Variants in BNC2 observed in about 807,000 individuals in gnomAD.
The protein encoded by BNC2 is zinc finger protein basonuclin-2.
BNC2 carries 20 observed loss-of-function variants against 76.3 expected under a neutral mutation model. The observed-to-expected ratio is 0.26, with a 90% CI of 0.18 to 0.38. BNC2 has a LOEUF of 0.38. Ranked by LOEUF, BNC2 falls within the 10% of genes least tolerant of loss-of-function variation. The probability of loss-of-function intolerance (pLI) is 1.00; values close to 1 mark genes in which losing one functional copy is unlikely to be tolerated. For synonymous variants in BNC2, 582 were observed against 514.8 expected, an observed-to-expected ratio of 1.13 and a Z score of -1.77; for missense variants, 1,382 against 1,399.8, an observed-to-expected ratio of 0.99 and a Z score of 0.20.
chr9:16,437,278 G>A lies in BNC2; in HGVS notation c.916C>T (p.Pro306Ser), dbSNP rs114964332. The change falls in exon 6 of 7, where the codon CCT becomes TCT. Residue 306 changes from proline to serine, a missense_variant. By Grantham distance (74) the Pro-to-Ser change is moderately conservative (BLOSUM62 -1). Transcript: ENST00000380672. The part of the protein sequence containing the change: ...SLLAHLENSN[P>S]SSIHHFENIP... Reference sequence around the variant, plus strand: ...TTTTCGAAGTGATGAATGCTGGAAGGATTGCTGTTCTCTAAGTGAGCAAGG... The same window carrying A: ...TTTTCGAAGTGATGAATGCTGGAAGAATTGCTGTTCTCTAAGTGAGCAAGG... 45 of 1,614,032 alleles carry A rather than the reference G, an allele frequency of 2.8e-5. No individual in the cohort carries two copies. The highest frequency in any genetic ancestry group is 3.7e-5 in the Non-Finnish European group (44 of 1,180,028).
intron 1 of BNC2, among the ~76,000 whole-genome samples, chr9:16,763,939 G>A (rs964564941): frequency 3.3e-5 from 5 of 152,056 alleles, no homozygotes; most frequent in South Asian, 2.1e-4. Context: ...ACTCCCTACC[G>A]GAAGACTATA....
chr9:16,602,870 C>G (rs992409599), intron 3 of BNC2, among the ~76,000 whole-genome samples: 2 of 152,254 alleles, frequency 1.3e-5, no homozygotes, highest in South Asian at 2.1e-4. Flanking sequence ...TGCTGCCAAA[C>G]CCTCATTTCA....
rs534880677 is a variant in BNC2 at position 16,414,233 on chromosome 9, G to C, written c.*4756C>G. The C allele has an allele frequency of 6.6e-6, 1 of 152,174 alleles. No individual in the cohort carries two copies. Among genetic ancestry groups the C allele is most frequent in the African/African-American group, 2.4e-5 (1 of 41,438 alleles). The allele number at this position is 152,174 out of a possible 1,614,324, so 9.4% of individuals were successfully genotyped here. On this transcript the variant is annotated 3_prime_UTR_variant, in exon 7 of 7. Coordinates refer to ENST00000380672, the MANE Select transcript of BNC2 (RefSeq NM_017637.6). ...ATCAATACGCTCTCACCCACTGCGA[G>C]GCAGAGCTATGCCAGTCTTTTCTCT... is the stretch of plus-strand genomic sequence containing the variant.
chr9:16,436,221 T>A lies in BNC2; in HGVS notation c.1973A>T (p.Asp658Val), dbSNP rs774745887. 6.2e-7 allele frequency: 1 copy of A among 1,614,140 alleles called. No homozygotes were observed. The highest frequency in any genetic ancestry group is 2.2e-5 in the East Asian group (1 of 44,870). The stretch of plus-strand genomic sequence containing the variant: ...CACAGCTCCACCATCATTGGGGTCA[T>A]CATCTTCATCATCAAACTCATCGGC... ...DTADEFDDEDDDPNDGGAVVN... is the reference protein window; with the variant it reads ...DTADEFDDEDVDPNDGGAVVN... Residue 658 changes from aspartate (D) to valine (V), a missense_variant, in exon 6 of 7, where the codon GAT becomes GTT. Transcript: ENST00000380672.
chr9:16,847,860 T>C (rs906036293), intron 1 of BNC2, among the ~76,000 whole-genome samples: 2 of 152,304 alleles, frequency 1.3e-5, no homozygotes, highest in East Asian at 1.9e-4. Context: ...AAATAAAGTA[T>C]GATTAAGCTC....
rs201643868 is a variant in BNC2, at chr9:16,552,634, G to T, written c.565C>A (p.Leu189Met). Residue 189 changes from leucine to methionine, a missense_variant, in exon 5 of 7, where the codon CTG becomes ATG. Leu to Met is a conservative substitution (Grantham distance 15). Coordinates refer to ENST00000380672, the MANE Select transcript of BNC2 (RefSeq NM_017637.6). ...AGGACGCTGAAGAGACGGTCCAGCA[G>T]GATCTTTAGCCGCACAGGCACTGCT... Reference protein sequence around the residue: ...TQAVPVRLKILLDRLFSVLKQ... With the variant: ...TQAVPVRLKIMLDRLFSVLKQ... 2 of 1,614,096 alleles carry T rather than the reference G, an allele frequency of 1.2e-6. No homozygotes were observed. Among genetic ancestry groups the T allele is most frequent in the Admixed American group, 1.7e-5 (1 of 60,010 alleles).
intron 1 of BNC2, among the ~76,000 whole-genome samples, chr9:16,774,704 T>C (rs1182365173): frequency 2.0e-5 from 3 of 152,234 alleles, no homozygotes; most frequent in African/African-American, 4.8e-5. Flanking sequence ...ACTACAGATT[T>C]AGGAGTTAAA....
intron 3 of BNC2, among the ~76,000 whole-genome samples, chr9:16,645,244 A>C (rs7039706): frequency 6.6e-6 from 1 of 152,082 alleles, no homozygotes; most frequent in South Asian, 2.1e-4. Flanking sequence ...TTCTAACTCT[A>C]TATTGCTGTG....
At chr9:16,457,733 T>C (rs1231077642) in intron 5 of BNC2, among the ~76,000 whole-genome samples, 1 of 152,132 alleles carries the variant, frequency 6.6e-6, no homozygotes, top group Non-Finnish European at 1.5e-5. Flanking sequence ...GTAGAAGCAA[T>C]GAGCCACTCT....
At chr9:16,781,838 T>G (rs896967954) in intron 1 of BNC2, among the ~76,000 whole-genome samples, 5 of 152,234 alleles carry the variant, frequency 3.3e-5, no homozygotes, top group Admixed American at 1.3e-4. Flanking sequence ...AATGTGCTTT[T>G]TATGTTAACT....
intron 1 of BNC2, among the ~76,000 whole-genome samples, chr9:16,771,108 G>T (rs1825821331): frequency 6.6e-6 from 1 of 152,154 alleles, no homozygotes; most frequent in Admixed American, 6.5e-5. Flanking sequence ...GACAGAGGTT[G>T]CAGCGAGCCA....
intron 1 of BNC2, among the ~76,000 whole-genome samples, chr9:16,792,656 G>A (rs1002259417): frequency 2.0e-5 from 3 of 152,118 alleles, no homozygotes; most frequent in African/African-American, 7.2e-5. Flanking sequence ...TACCAGCGGG[G>A]GGAACCAACT....
intron 2 of BNC2, among the ~76,000 whole-genome samples, chr9:16,737,542 G>C: frequency 1.0e-5 from 1 of 95,284 alleles, no homozygotes; most frequent in Non-Finnish European, 2.0e-5. Context: ...GAGCCACCGT[G>C]CCTGGCTTTT....
At chr9:16,839,215 T>A (rs1818772881) in intron 1 of BNC2, among the ~76,000 whole-genome samples, 1 of 152,216 alleles carries the variant, frequency 6.6e-6, no homozygotes. Context: ...ACAGTTTGTA[T>A]ATAATATACA....
At chr9:16,497,376 G>T (rs901861836) in intron 5 of BNC2, among the ~76,000 whole-genome samples, 1 of 152,294 alleles carries the variant, frequency 6.6e-6, no homozygotes, top group East Asian at 1.9e-4. Flanking sequence ...TTTTAATAAT[G>T]TTAATCCAAG....
chr9:16,412,443 T>C lies in BNC2; in HGVS notation c.*6546A>G, dbSNP rs1391331435. On this transcript the variant is annotated 3_prime_UTR_variant, in exon 7 of 7. Transcript: ENST00000380672. ...TTAGGGGGCAATATAATCTTACTTA[T>C]GCCACTGACTTGCAGGAAAATTTGC... 6.6e-6 allele frequency: 1 copy of C among 152,492 alleles called. No homozygotes were observed. The highest frequency in any genetic ancestry group is 2.4e-5 in the African/African-American group (1 of 41,466). The allele number at this position is 152,492 out of a possible 1,614,324, so 9.4% of individuals were successfully genotyped here.
chr9:16,642,610 G>A (rs1361432310), intron 3 of BNC2, among the ~76,000 whole-genome samples: 1 of 152,186 alleles, frequency 6.6e-6, no homozygotes, highest in African/African-American at 2.4e-5. Context: ...TAGTGGCCAA[G>A]CGTCCATTTG....
At chr9:16,421,325 A>G (rs1426327841) in intron 6 of BNC2, 7 of 1,259,630 alleles carry the variant, frequency 5.6e-6, no homozygotes, top group African/African-American at 1.5e-5. Context: ...AAGCAAGAAT[A>G]AGAGACAGAG....
At chr9:16,695,206 T>G (rs1412855269) in intron 3 of BNC2, among the ~76,000 whole-genome samples, 2 of 152,230 alleles carry the variant, frequency 1.3e-5, no homozygotes, top group Non-Finnish European at 2.9e-5. Flanking sequence ...TGCTTTTCTT[T>G]TGGTATTAGT....
Sources: allele counts gnomAD v4.1 joint callset (sites outside exome capture counted in the v4.1 genomes callset), GRCh38; gene constraint gnomAD v4.1.1; transcripts MANE v1.5; gene names NCBI Gene and HGNC (gene_info 2026-07-23, HGNC 2026-07-21).